The following GPR158 variants were observed in gnomAD, a reference collection of about 807,000 sequenced individuals.
GPR158 encodes metabotropic glycine receptor.
GPR158 carries 30 observed loss-of-function variants against 78.2 expected under a neutral mutation model. The observed-to-expected ratio is 0.38, with a 90% CI of 0.29 to 0.52. The LOEUF (loss-of-function observed/expected upper bound fraction) is 0.52. Ranked by LOEUF, GPR158 falls within the 20% of genes least tolerant of loss-of-function variation. The pLI, the probability that GPR158 is intolerant of heterozygous loss-of-function variation, is 0.83. For synonymous variants in GPR158, 581 were observed against 591.1 expected (o/e 0.98, Z 0.25); for missense variants, 1,463 against 1,523.5 (o/e 0.96, Z 0.66).
chr10:25,249,412 A>T (rs1853756329), intron 2 of GPR158, among the ~76,000 whole-genome samples: 1 of 152,116 alleles, frequency 6.6e-6, no homozygotes, highest in Non-Finnish European at 1.5e-5. Flanking sequence ...GAATGCTTCC[A>T]GTTTTTGCCC....
chr10:25,302,916 G>A (rs1371826328), intron 2 of GPR158, among the ~76,000 whole-genome samples: 2 of 152,152 alleles, frequency 1.3e-5, no homozygotes, highest in African/African-American at 4.8e-5. Context: ...TACCAACGTA[G>A]GTTCTGAGCA....
intron 3 of GPR158, among the ~76,000 whole-genome samples, chr10:25,410,000 A>G (rs1182706525): frequency 6.6e-6 from 1 of 152,210 alleles, no homozygotes; most frequent in African/African-American, 2.4e-5. Flanking sequence ...AGTGAAGGAT[A>G]AAATAATTAT....
At chr10:25,197,212 T>G (rs1204632872) in intron 1 of GPR158, among the ~76,000 whole-genome samples, 1 of 152,204 alleles carries the variant, frequency 6.6e-6, no homozygotes, top group African/African-American at 2.4e-5. Context: ...AGGATATGAA[T>G]ATCACATTCG....
chr10:25,418,368 G>A (rs1464533861), intron 4 of GPR158, among the ~76,000 whole-genome samples: 2 of 152,052 alleles, frequency 1.3e-5, no homozygotes, highest in Non-Finnish European at 2.9e-5. Flanking sequence ...ACTCCAGGGT[G>A]GGAGTTGTTG....
intron 5 of GPR158, among the ~76,000 whole-genome samples, chr10:25,527,113 C>T (rs1013351417): frequency 6.6e-6 from 1 of 151,486 alleles, no homozygotes; most frequent in African/African-American, 2.4e-5. Flanking sequence ...CATATATGCA[C>T]ATAATAATAG....
rs4749034 is a variant in GPR158, at chr10:25,473,166, G to C, written c.1404+6447G>C. ...TTTATTGAGAGTTTTTAGCATGAACGGTTGTTGAATTTTGTCAAAGGCCTT... is the reference window on the plus strand; with the variant it reads ...TTTATTGAGAGTTTTTAGCATGAACCGTTGTTGAATTTTGTCAAAGGCCTT... On this transcript the variant is annotated intron_variant, in intron 5 of 10. Transcript: ENST00000376351. 4.3e-4 allele frequency among the ~76,000 whole-genome samples: 65 copies of C among 149,720 alleles called. 1 individual carries two copies. The highest frequency in any genetic ancestry group is 1.1e-3 in the African/African-American group (45 of 41,030).
rs1324752804 is a variant in GPR158, at chr10:25,241,404, CTCTTCTCTTTTCTTT to C, written c.1008+20252_1008+20266del. Among the ~76,000 whole-genome samples the C allele has an allele frequency of 2.3e-4, 31 of 135,810 alleles. 1 individual carries two copies. The highest frequency in any genetic ancestry group is 6.1e-4 in the African/African-American group (21 of 34,592). The allele number at this position is 135,810 out of a possible 152,430, so 89.1% of individuals were successfully genotyped here. ...CTCTTCTCTTCTCTTCTCTTCTCTT[CTCTTCTCTTTTCTTT>C]TCTTTTCTTTTCTTTTCTTTCGACA... On this transcript the variant is annotated intron_variant, in intron 2 of 10. Coordinates refer to ENST00000376351, the MANE Select transcript of GPR158 (RefSeq NM_020752.3).
chr10:25,504,617 CG>C (rs1015755444), intron 5 of GPR158, among the ~76,000 whole-genome samples: 2 of 152,160 alleles, frequency 1.3e-5, no homozygotes, highest in African/African-American at 4.8e-5. Context: ...TCTACTTTCC[CG>C]GAGAGAAGTT....
intron 1 of GPR158, among the ~76,000 whole-genome samples, chr10:25,208,462 G>A (rs1429487907): frequency 6.6e-6 from 1 of 151,962 alleles, no homozygotes; most frequent in Non-Finnish European, 1.5e-5. Flanking sequence ...TTTGCATCCT[G>A]TACATCTTAT....
At chr10:25,327,935 C>T (rs1274263701) in intron 2 of GPR158, among the ~76,000 whole-genome samples, 2 of 152,098 alleles carry the variant, frequency 1.3e-5, no homozygotes, top group African/African-American at 4.8e-5. Context: ...TGTAGACATT[C>T]GTTATTGACC....
At chr10:25,569,453 T>G (rs1456929229) in intron 6 of GPR158, among the ~76,000 whole-genome samples, 1 of 152,128 alleles carries the variant, frequency 6.6e-6, no homozygotes, top group Non-Finnish European at 1.5e-5. Flanking sequence ...TCAAAAAAAA[T>G]ATTTATCACA....
At chr10:25,349,504 G>T (rs12261120) in intron 2 of GPR158, among the ~76,000 whole-genome samples, 2 of 146,524 alleles carry the variant, frequency 1.4e-5, no homozygotes, top group African/African-American at 5.5e-5. Context: ...CCCCCTTGCT[G>T]TTCTCATAAT....
chr10:25,412,204 A>ACTC (rs1164191261), intron 3 of GPR158, 46 bp from the exon 4 acceptor site: 24 of 1,276,394 alleles, frequency 1.9e-5, no homozygotes, highest in African/African-American at 4.4e-5. Context: ...AATCTTACCT[A>ACTC]CCTAAGAGGT....
At chr10:25,199,612 G>A (rs1349650084) in intron 1 of GPR158, among the ~76,000 whole-genome samples, 2 of 152,094 alleles carry the variant, frequency 1.3e-5, no homozygotes, top group African/African-American at 4.8e-5. Flanking sequence ...ATTCCCCCAT[G>A]CTGTTCTCAT....
chr10:25,262,619 A>T (rs1280553718), intron 2 of GPR158, among the ~76,000 whole-genome samples: 1 of 152,166 alleles, frequency 6.6e-6, no homozygotes, highest in African/African-American at 2.4e-5. Flanking sequence ...GAAAGTATGG[A>T]GTTCCTATAT....
At chr10:25,193,188 G>A (rs997692868) in intron 1 of GPR158, among the ~76,000 whole-genome samples, 2 of 152,162 alleles carry the variant, frequency 1.3e-5, no homozygotes, top group African/African-American at 4.8e-5. Flanking sequence ...CTCTTGTGGG[G>A]ATGGGGGAAA....
chr10:25,595,024 G>GTT (rs5783945), intron 9 of GPR158, among the ~76,000 whole-genome samples: 88 of 151,800 alleles, frequency 5.8e-4, no homozygotes, highest in African/African-American at 2.1e-3. Flanking sequence ...TGATATTGGA[G>GTT]TTTTTTTTCT....
intron 2 of GPR158, among the ~76,000 whole-genome samples, chr10:25,314,862 C>CATATAT (rs67847605): frequency 0.016 from 1,725 of 111,268 alleles, 36 homozygotes; most frequent in South Asian, 0.033. Flanking sequence ...CACACACTGT[C>CATATAT]ATATATATAT....
chr10:25,573,407 C>T (rs1310684902), intron 7 of GPR158, among the ~76,000 whole-genome samples: 1 of 152,156 alleles, frequency 6.6e-6, no homozygotes, highest in Middle Eastern at 3.2e-3. Flanking sequence ...TTATAATTCT[C>T]TGGAGGTTTA....
Sources: allele counts gnomAD v4.1 joint callset (sites outside exome capture counted in the v4.1 genomes callset), GRCh38; gene constraint gnomAD v4.1.1; transcripts MANE v1.5; gene names NCBI Gene and HGNC (gene_info 2026-07-23, HGNC 2026-07-21).